The following NUMB variants were observed in gnomAD, a reference collection of about 807,000 sequenced individuals.
NUMB encodes the protein NUMB endocytic adaptor protein, also known as protein numb homolog.
NUMB carries 29 observed loss-of-function variants against 59.7 expected under a neutral mutation model. The ratio of observed to expected loss-of-function variants is 0.49; its 90% CI spans 0.36 to 0.66. NUMB has a LOEUF of 0.66. Among genes scored for constraint, NUMB ranks in the 30% least tolerant of loss-of-function variants. The pLI is 0.00. For missense variants in NUMB, 723 were observed against 822.0 expected (o/e 0.88, Z 1.47); for synonymous variants, 288 against 288.2 (o/e 1.00, Z 0.01).
chr14:73,289,298 G>T (rs576305468), intron 8 of NUMB, among the ~76,000 whole-genome samples: 2 of 152,178 alleles, frequency 1.3e-5, no homozygotes, highest in African/African-American at 2.4e-5. Context: ...AGTGGAGGAC[G>T]TATATAAACA....
rs555153140 is a variant in NUMB, at chr14:73,275,727, C to G, written c.*851G>C. 6.6e-6 allele frequency: 1 copy of G among 152,494 alleles called. No individual in the cohort carries two copies. The highest frequency in any genetic ancestry group is 2.1e-4 in the South Asian group (1 of 4,830). The allele number at this position is 152,494 out of a possible 1,614,324, so 9.4% of individuals were successfully genotyped here. ...TCCTTTATTTAAAAAAAACTACAAC[C>G]TAGTGACTGTATTGGTCATAAGCAT... On this transcript the variant is annotated 3_prime_UTR_variant, in exon 13 of 13. Coordinates refer to ENST00000555238, the MANE Select transcript of NUMB (RefSeq NM_001005743.2).
chr14:73,362,986 T>TA (rs1894162902), intron 3 of NUMB, among the ~76,000 whole-genome samples: 1 of 149,292 alleles, frequency 6.7e-6, no homozygotes, highest in Admixed American at 6.7e-5. Context: ...CTGTCTCTAT[T>TA]AAAAAAAGAA....
intron 7 of NUMB, among the ~76,000 whole-genome samples, chr14:73,294,067 G>A (rs1010520828): frequency 6.6e-6 from 1 of 152,210 alleles, no homozygotes; most frequent in Non-Finnish European, 1.5e-5. Context: ...CTGCATTGTA[G>A]TCATTGTGAA....
At chr14:73,292,672 A>G in intron 8 of NUMB, 62 bp downstream of exon 8, 1 of 1,567,434 alleles carries the variant, frequency 6.4e-7, no homozygotes, top group South Asian at 1.1e-5. Context: ...GGCTGAGCAA[A>G]CCCAGAAAGA....
At chr14:73,352,469 CACACACACATATATAT>C (rs1893387322) in intron 4 of NUMB, among the ~76,000 whole-genome samples, 2 of 24,652 alleles carry the variant, frequency 8.1e-5, no homozygotes, top group Admixed American at 7.0e-4. Flanking sequence ...TACACACACA[CACACACACATATATAT>C]ATATATATAT....
intron 2 of NUMB, among the ~76,000 whole-genome samples, chr14:73,406,660 G>T (rs1896686177): frequency 6.6e-6 from 1 of 152,096 alleles, no homozygotes; most frequent in African/African-American, 2.4e-5. Flanking sequence ...GATCCTTGAG[G>T]AATTGCCACA....
chr14:73,293,322 T>C (rs1288372293), intron 7 of NUMB, among the ~76,000 whole-genome samples: 1 of 152,060 alleles, frequency 6.6e-6, no homozygotes, highest in Non-Finnish European at 1.5e-5. Flanking sequence ...TTACATTATA[T>C]ATACCCGATC....
chr14:73,382,053 C>CAAAGACACAGAAAAA (rs1404906452), intron 2 of NUMB, among the ~76,000 whole-genome samples: 1 of 152,194 alleles, frequency 6.6e-6, no homozygotes, highest in Non-Finnish European at 1.5e-5. Flanking sequence ...AGAAAAAAAG[C>CAAAGACACAGAAAAA]AATCACAGAA....
At chr14:73,414,023 C>G (rs1392588643) in intron 1 of NUMB, among the ~76,000 whole-genome samples, 1 of 150,494 alleles carries the variant, frequency 6.6e-6, no homozygotes, top group Non-Finnish European at 1.5e-5. Flanking sequence ...GGCACGATCT[C>G]AGCTCACTAC....
At chr14:73,407,562 T>C (rs191875608) in intron 2 of NUMB, among the ~76,000 whole-genome samples, 17 of 152,366 alleles carry the variant, frequency 1.1e-4, no homozygotes, top group African/African-American at 4.1e-4. Flanking sequence ...ACTTCTGATA[T>C]TGCCTCTATT....
At chr14:73,349,740 G>A (rs971127619) in intron 4 of NUMB, among the ~76,000 whole-genome samples, 4 of 151,950 alleles carry the variant, frequency 2.6e-5, no homozygotes, top group Non-Finnish European at 4.4e-5. Flanking sequence ...TTAGCCAGGC[G>A]TGGTGGCAGG....
chr14:73,352,347 A>G (rs1893340231), intron 4 of NUMB, among the ~76,000 whole-genome samples: 1 of 150,052 alleles, frequency 6.7e-6, no homozygotes, highest in African/African-American at 2.4e-5. Flanking sequence ...CCTATAGTCT[A>G]GGATCAAGTT....
Position 73,277,087 on chromosome 14 carries a change from G to T in NUMB, c.1447C>A (p.Gln483Lys). The T allele has an allele frequency of 6.2e-7, 1 of 1,614,152 alleles. No homozygotes were observed. Among genetic ancestry groups the T allele is most frequent in the Non-Finnish European group, 8.5e-7 (1 of 1,180,042 alleles). ...TGAGAGGTGAGGAATGCATTCCCTT[G>T]GAAAGGTGATGCTGGCTGGGAGATG... ...TAISQPASPF[Q>K]GNAFLTSQPV... Residue 483 changes from glutamine to lysine, a missense_variant, in exon 13 of 13, where the codon CAA becomes AAA. This residue lies in a region of NUMB where 406 missense variants were observed against 385.4 expected (regional missense o/e 1.05). Coordinates refer to ENST00000555238, the MANE Select transcript of NUMB (RefSeq NM_001005743.2).
At chr14:73,450,215 G>A (rs186680607) in intron 1 of NUMB, among the ~76,000 whole-genome samples, 3 of 152,342 alleles carry the variant, frequency 2.0e-5, no homozygotes, top group Admixed American at 1.3e-4. Flanking sequence ...TCACCCTGAT[G>A]TGGAGGATAG....
intron 1 of NUMB, among the ~76,000 whole-genome samples, chr14:73,438,764 A>G (rs976753616): frequency 4.6e-5 from 7 of 152,158 alleles, no homozygotes; most frequent in African/African-American, 1.7e-4. Context: ...AAACAGAAAC[A>G]GACAATAAAT....
At chr14:73,354,870 A>T (rs981311687) in intron 4 of NUMB, among the ~76,000 whole-genome samples, 1 of 150,904 alleles carries the variant, frequency 6.6e-6, no homozygotes, top group Non-Finnish European at 1.5e-5. Flanking sequence ...ATAGAGAAAA[A>T]AATTAACATT....
In NUMB at chr14:73,277,235, A is replaced by G; in HGVS notation, c.1299T>C (p.His433=). The G allele has an allele frequency of 6.2e-7, 1 of 1,613,566 alleles. No individual in the cohort carries two copies. Among genetic ancestry groups the G allele is most frequent in the Non-Finnish European group, 8.5e-7 (1 of 1,179,582 alleles). ...GGTCGGCCTCAGAGGGAGTACGTCT[A>G]TGACCGGCCTGGAAGAGACCTGGAG... ...AASPGLFQAG[H]RRTPSEADRW... is the part of the protein sequence containing the mutation. Residue 433 remains histidine (H), a synonymous_variant, in exon 13 of 13, where the codon CAT becomes CAC. Transcript: ENST00000555238.
chr14:73,278,781 G>A (rs1888387540), intron 12 of NUMB, among the ~76,000 whole-genome samples: 2 of 137,084 alleles, frequency 1.5e-5, no homozygotes, highest in Non-Finnish European at 3.0e-5. Flanking sequence ...AGGCTGGAGT[G>A]CAGTGGCGCA....
intron 6 of NUMB, among the ~76,000 whole-genome samples, chr14:73,308,036 C>T (rs1305250695): frequency 6.6e-6 from 1 of 151,978 alleles, no homozygotes. Context: ...CCCGGCCGGG[C>T]CTCTGTCTTA....
Sources: gnomAD v4.1 joint callset for allele counts (sites outside exome capture counted in the v4.1 genomes callset) on GRCh38, gnomAD v4.1.1 for gene constraint, gnomAD v4.1.1 regional missense constraint, MANE v1.5 for transcripts, NCBI Gene and HGNC (gene_info 2026-07-23, HGNC 2026-07-21) for gene names.